Variants in ZNF704 observed in about 807,000 individuals in gnomAD.
ZNF704 encodes the protein zinc finger protein 704.
ZNF704 carries 10 observed loss-of-function variants against 44.7 expected under a neutral mutation model. The observed-to-expected ratio is 0.22, with a 90% CI of 0.14 to 0.38. The LOEUF (loss-of-function observed/expected upper bound fraction) is 0.38, where lower values mean the gene tolerates loss of function less well. ZNF704 is among the 10% of genes least tolerant of loss of function. The probability of loss-of-function intolerance (pLI) is 1.00; values close to 1 mark genes in which losing one functional copy is unlikely to be tolerated. For missense variants in ZNF704, 390 were observed against 545.5 expected, an observed-to-expected ratio of 0.71 and a Z score of 2.84; for synonymous variants, 211 against 207.6, an observed-to-expected ratio of 1.02 and a Z score of -0.14.
chr8:80,882,197 G>C, the ZNF704 span, among the ~76,000 whole-genome samples: 2 of 152,246 alleles, frequency 1.3e-5, no homozygotes, highest in African/African-American at 4.8e-5. Flanking sequence ...TTGACTAGAC[G>C]GCTTTACGAA....
At chr8:80,718,472 T>C (rs1278005079) in intron 2 of ZNF704, among the ~76,000 whole-genome samples, 1 of 152,198 alleles carries the variant, frequency 6.6e-6, no homozygotes, top group Non-Finnish European at 1.5e-5. Context: ...GGCTAGGGAC[T>C]TGCTTCAGCC....
At chr8:80,744,181 G>A (rs900985830) in intron 2 of ZNF704, among the ~76,000 whole-genome samples, 1 of 151,886 alleles carries the variant, frequency 6.6e-6, no homozygotes, top group Non-Finnish European at 1.5e-5. Flanking sequence ...TTTTAGACAC[G>A]GTGGTTAAAT....
chr8:80,720,752 G>A (rs1482329716), intron 2 of ZNF704, among the ~76,000 whole-genome samples: 1 of 152,218 alleles, frequency 6.6e-6, no homozygotes, highest in Non-Finnish European at 1.5e-5. Flanking sequence ...ATCTCAGAGG[G>A]AAAACTCAGA....
chr8:80,698,143 C>T (rs1818754619), intron 2 of ZNF704, among the ~76,000 whole-genome samples: 1 of 152,206 alleles, frequency 6.6e-6, no homozygotes, highest in Non-Finnish European at 1.5e-5. Flanking sequence ...GGAGAATTAA[C>T]AGTCTTTGTA....
chr8:80,687,924 A>T (rs1342611368), intron 3 of ZNF704, among the ~76,000 whole-genome samples: 1 of 152,142 alleles, frequency 6.6e-6, no homozygotes, highest in Non-Finnish European at 1.5e-5. Flanking sequence ...GGGATTTCTT[A>T]GCTGAGGGCA....
At chr8:80,748,560 C>G (rs544624794) in intron 2 of ZNF704, among the ~76,000 whole-genome samples, 1 of 152,160 alleles carries the variant, frequency 6.6e-6, no homozygotes, top group Non-Finnish European at 1.5e-5. Flanking sequence ...TTAGCAACGT[C>G]GTTCTTTTTT....
At chr8:80,843,351 A>G (rs1808712541) in intron 1 of ZNF704, among the ~76,000 whole-genome samples, 1 of 152,218 alleles carries the variant, frequency 6.6e-6, no homozygotes, top group East Asian at 1.9e-4. Context: ...TACTTATCAT[A>G]AGACCATATA....
chr8:80,744,630 C>A (rs1806815089), intron 2 of ZNF704, among the ~76,000 whole-genome samples: 1 of 152,164 alleles, frequency 6.6e-6, no homozygotes, highest in Non-Finnish European at 1.5e-5. Flanking sequence ...ATCTTCATCA[C>A]AATTCACAAG....
At chr8:80,780,426 A>C (rs923401079) in intron 2 of ZNF704, among the ~76,000 whole-genome samples, 4 of 152,048 alleles carry the variant, frequency 2.6e-5, no homozygotes, top group Admixed American at 2.6e-4. Flanking sequence ...GGAAGAGGAG[A>C]ACAGCGGCAT....
In ZNF704 at chr8:80,853,443, T is replaced by C. The variant is rs113889259; in HGVS notation, c.-22+21128A>G. ...TCCTTCTTTTTTCTTTCCAGGACTT[T>C]AAAATGTTCTACAAGTATTGCTTCT... is the stretch of plus-strand genomic sequence containing the variant. On this transcript the variant is annotated intron_variant, in intron 1 of 8. Transcript: ENST00000327835. Among the ~76,000 whole-genome samples the C allele has an allele frequency of 5.3e-3, 804 of 152,216 alleles. 6 individuals are homozygous for C. The highest frequency in any genetic ancestry group is 0.018 in the African/African-American group (758 of 41,518).
At position 80,665,092 on chromosome 8, in the gene ZNF704, A is replaced by G. The variant is rs1563511065; in HGVS notation, c.660-10T>C. 4.3e-6 allele frequency: 7 copies of G among 1,612,836 alleles called. No homozygotes were observed. In the South Asian group the frequency reaches 5.5e-5, roughly 13 times the overall value. On this transcript the variant is annotated splice_polypyrimidine_tract_variant and intron_variant, in intron 5 of 8. Transcript: ENST00000327835. ...AGAGTCTCCAACGCGCCTAATGCAA[A>G]AGAGAGTAAAACAATCATACTAAGC...
At chr8:80,710,664 G>A (rs1270961271) in intron 2 of ZNF704, among the ~76,000 whole-genome samples, 2 of 152,152 alleles carry the variant, frequency 1.3e-5, no homozygotes, top group East Asian at 1.9e-4. Context: ...TCTCTCTACC[G>A]TGTGAGGACA....
At chr8:80,875,677 C>T (rs909708528), upstream of ZNF704, among the ~76,000 whole-genome samples, 1 of 152,198 alleles carries the variant, frequency 6.6e-6, no homozygotes, top group African/African-American at 2.4e-5. Flanking sequence ...GAGGATCTTA[C>T]GCATCAAATA....
At chr8:80,736,928 C>T (rs1448507037) in intron 2 of ZNF704, among the ~76,000 whole-genome samples, 1 of 151,464 alleles carries the variant, frequency 6.6e-6, no homozygotes, top group African/African-American at 2.4e-5. Flanking sequence ...GGGCTTTGGG[C>T]CCTGGTGTTT....
chr8:80,861,691 T>C (rs1423901001), intron 1 of ZNF704, among the ~76,000 whole-genome samples: 1 of 151,920 alleles, frequency 6.6e-6, no homozygotes, highest in African/African-American at 2.4e-5. Flanking sequence ...CTACCTGCTG[T>C]ACCCCTTGGT....
At chr8:80,748,744 A>T (rs1806890414) in intron 2 of ZNF704, among the ~76,000 whole-genome samples, 1 of 152,178 alleles carries the variant, frequency 6.6e-6, no homozygotes, top group Admixed American at 6.5e-5. Flanking sequence ...CTTGGCTTAG[A>T]GTCGGAAAGA....
intron 4 of ZNF704, among the ~76,000 whole-genome samples, chr8:80,680,920 C>T (rs375673016): frequency 1.2e-4 from 18 of 152,260 alleles, no homozygotes; most frequent in African/African-American, 4.1e-4. Flanking sequence ...TGTGGTGATA[C>T]GTGTATACAA....
At chr8:80,876,539 G>A (rs780523460), upstream of ZNF704, among the ~76,000 whole-genome samples, 3 of 152,170 alleles carry the variant, frequency 2.0e-5, no homozygotes, top group Non-Finnish European at 4.4e-5. Flanking sequence ...AAAGGTGTGA[G>A]GCAAGCTGGC....
chr8:80,843,301 C>T (rs116650908), intron 1 of ZNF704, among the ~76,000 whole-genome samples: 73 of 152,318 alleles, frequency 4.8e-4, no homozygotes, highest in African/African-American at 1.4e-3. Context: ...GCCCTGACAG[C>T]CCTAGCACAA....
Sources: gnomAD v4.1 joint callset for allele counts (sites outside exome capture counted in the v4.1 genomes callset) on GRCh38, gnomAD v4.1.1 for gene constraint, MANE v1.5 for transcripts, NCBI Gene and HGNC (gene_info 2026-07-23, HGNC 2026-07-21) for gene names.